PRDM16: variants seen among roughly 807,000 people sequenced by gnomAD.
PRDM16 encodes histone-lysine N-methyltransferase PRDM16.
In PRDM16, 23 loss-of-function variants were observed where a neutral mutation model predicts 110.6. The observed-to-expected ratio is 0.21, with a 90% CI of 0.15 to 0.29. The LOEUF is 0.29. Ranked by LOEUF, PRDM16 falls within the 10% of genes least tolerant of loss-of-function variation. The pLI is 1.00. For synonymous variants in PRDM16, 799 were observed against 781.8 expected (o/e 1.02, Z -0.37); for missense variants, 1,615 against 1,794.3 (o/e 0.90, Z 1.81).
intron 1 of PRDM16, among the ~76,000 whole-genome samples, chr1:3,142,136 C>A (rs1369913369): frequency 6.6e-6 from 1 of 152,248 alleles, no homozygotes; most frequent in African/African-American, 2.4e-5. Flanking sequence ...TCGGCTCCCC[C>A]CGTCCAGGGC....
chr1:3,431,947 TC>T lies in PRDM16; in HGVS notation c.3522-15del. On this transcript the variant is annotated intron_variant, in intron 15 of 16. Coordinates refer to ENST00000270722, the MANE Select transcript of PRDM16 (RefSeq NM_022114.4). ...GGCTGCTGACAGCAGGCCTTCCCTC[TC>T]CCCGGTCATTGGTGCAGGTGTGCTG... is the stretch of plus-strand genomic sequence containing the variant. 6.2e-7 allele frequency: 1 copy of T among 1,606,740 alleles called. No individual in the cohort carries two copies. Among genetic ancestry groups the T allele is most frequent in the Admixed American group, 1.7e-5 (1 of 59,780 alleles).
chr1:3,296,225 A>G (rs1641086559), intron 3 of PRDM16, among the ~76,000 whole-genome samples: 1 of 152,142 alleles, frequency 6.6e-6, no homozygotes, highest in Non-Finnish European at 1.5e-5. Context: ...TGTGAGGCAC[A>G]CGACCAGTGC....
intron 7 of PRDM16, 60 bp downstream of exon 7, chr1:3,404,946 C>A: frequency 6.4e-7 from 1 of 1,562,458 alleles, no homozygotes; most frequent in East Asian, 2.2e-5. Context: ...AGACGGGCGC[C>A]CGCCCCCGTG....
At chr1:3,318,259 G>A (rs1018051079) in intron 3 of PRDM16, among the ~76,000 whole-genome samples, 3 of 152,196 alleles carry the variant, frequency 2.0e-5, no homozygotes, top group Admixed American at 1.3e-4. Flanking sequence ...CCTTTCTGCT[G>A]TGTCCCATCG....
In PRDM16 at chr1:3,385,190, T is replaced by A; in HGVS notation, c.477T>A (p.Asp159Glu). 6.2e-7 allele frequency: 1 copy of A among 1,613,720 alleles called. No homozygotes were observed. Among genetic ancestry groups the A allele is most frequent in the Non-Finnish European group, 8.5e-7 (1 of 1,180,014 alleles). ...EDLGSEKFCV[D>E]ANQAGAGSWL... is the part of the protein sequence containing the mutation. Reference sequence around the variant, plus strand: ...TGGGCAGTGAGAAGTTCTGCGTGGATGCAAATCAGGCGGGGGCTGGCAGCT... The same window carrying A: ...TGGGCAGTGAGAAGTTCTGCGTGGAAGCAAATCAGGCGGGGGCTGGCAGCT... The change falls in exon 4 of 17, where the codon GAT (aspartate) becomes GAA (glutamate). Residue 159 changes from aspartate to glutamate, a missense_variant. Around this residue, in one of 5 missense-constraint regions of PRDM16, gnomAD observed 416 missense variants for 467.1 expected, o/e 0.89. Coordinates refer to ENST00000270722, the MANE Select transcript of PRDM16 (RefSeq NM_022114.4).
At position 3,069,437 on chromosome 1, in the gene PRDM16, G is replaced by A. The variant is rs1262618773; in HGVS notation, c.37+141G>A. The A allele has an allele frequency of 2.0e-5, 3 of 147,072 alleles. No homozygotes were observed. Among genetic ancestry groups the A allele is most frequent in the Non-Finnish European group, 4.4e-5 (3 of 68,216 alleles). The allele number at this position is 147,072 out of a possible 1,614,324, so 9.1% of individuals were successfully genotyped here. On this transcript the variant is annotated intron_variant, in intron 1 of 16. Transcript: ENST00000270722. The surrounding 1 kb of genome is among the most constrained non-coding windows in gnomAD (Gnocchi z 6.1). ...CCGGCTCGGCCGCGCGGCCCGGGGG[G>A]CTGCTCCGCCTCCCGCGCTCCGGGG...
At chr1:3,371,875 G>A (rs111802717) in intron 3 of PRDM16, among the ~76,000 whole-genome samples, 2 of 152,220 alleles carry the variant, frequency 1.3e-5, no homozygotes, top group African/African-American at 4.8e-5. Flanking sequence ...GACAAATGTG[G>A]ATATGAGGGT....
intron 3 of PRDM16, among the ~76,000 whole-genome samples, chr1:3,369,193 G>A (rs999673304): frequency 5.3e-5 from 8 of 152,056 alleles, no homozygotes; most frequent in African/African-American, 1.7e-4. Flanking sequence ...GAGCGAGCGC[G>A]CTATTGAACT....
At chr1:3,380,494 C>A (rs1268616548) in intron 3 of PRDM16, among the ~76,000 whole-genome samples, 1 of 152,128 alleles carries the variant, frequency 6.6e-6, no homozygotes, top group East Asian at 1.9e-4. Context: ...GGGACCCCAC[C>A]CGCAGGGCAG....
chr1:3,163,522 G>A (rs77686822), intron 1 of PRDM16, among the ~76,000 whole-genome samples: 8,607 of 152,266 alleles, frequency 0.057, 348 homozygotes, highest in East Asian at 0.19. Flanking sequence ...CCCACGCGGC[G>A]TTAGCTTCCT....
chr1:3,364,341 A>G (rs1275589862), intron 3 of PRDM16, among the ~76,000 whole-genome samples: 2 of 152,140 alleles, frequency 1.3e-5, no homozygotes, highest in South Asian at 4.1e-4. Flanking sequence ...GTGGCCCCCA[A>G]GTCGTCCTGC....
At chr1:3,214,506 G>A (rs1638975266) in intron 2 of PRDM16, among the ~76,000 whole-genome samples, 1 of 152,154 alleles carries the variant, frequency 6.6e-6, no homozygotes, top group Non-Finnish European at 1.5e-5. Context: ...AGACCAGCCT[G>A]GCCAATGTGG....
At chr1:3,408,769 C>T (rs1340843956) in intron 8 of PRDM16, among the ~76,000 whole-genome samples, 7 of 110,234 alleles carry the variant, frequency 6.4e-5, no homozygotes, top group Non-Finnish European at 7.2e-5. Flanking sequence ...CGTGAGAGTG[C>T]ATGAGTGTGG....
intron 2 of PRDM16, among the ~76,000 whole-genome samples, chr1:3,232,378 G>A (rs1430727733): frequency 1.3e-5 from 2 of 152,160 alleles, no homozygotes; most frequent in Non-Finnish European, 2.9e-5. Flanking sequence ...GGTGTAAATG[G>A]GGATTATTGT....
At chr1:3,366,144 G>A (rs754164244) in intron 3 of PRDM16, among the ~76,000 whole-genome samples, 5 of 152,344 alleles carry the variant, frequency 3.3e-5, no homozygotes, top group Middle Eastern at 3.4e-3. Flanking sequence ...GGGCTCTAGC[G>A]CCCCGATGTG....
intron 10 of PRDM16, 41 bp downstream of exon 10, chr1:3,414,688 C>G: frequency 6.7e-7 from 1 of 1,490,450 alleles, no homozygotes; most frequent in Non-Finnish European, 9.3e-7. Flanking sequence ...GTAACCCACA[C>G]GCCAGTGGCC....
intron 2 of PRDM16, among the ~76,000 whole-genome samples, chr1:3,199,081 G>A (rs538974217): frequency 3.9e-5 from 6 of 152,220 alleles, no homozygotes; most frequent in East Asian, 1.9e-4. Context: ...ATCAGCCTTC[G>A]TTTCAGCCCT....
chr1:3,282,214 G>T (rs1417046939), intron 3 of PRDM16, among the ~76,000 whole-genome samples: 1 of 152,208 alleles, frequency 6.6e-6, no homozygotes, highest in Non-Finnish European at 1.5e-5. Flanking sequence ...GCTCAGGGAG[G>T]CCATGCTTCA....
chr1:3,133,510 A>T (rs991870505), intron 1 of PRDM16: 4 of 152,256 alleles, frequency 2.6e-5, no homozygotes, highest in Non-Finnish European at 4.4e-5. Flanking sequence ...GTCTGTCCAG[A>T]ACTGCTCCCC....
Sources: gnomAD v4.1 joint callset for allele counts (sites outside exome capture counted in the v4.1 genomes callset) on GRCh38, gnomAD v4.1.1 for gene constraint, gnomAD v4.1.1 regional missense constraint, Gnocchi (gnomAD v3.1) non-coding constraint, MANE v1.5 for transcripts, NCBI Gene and HGNC (gene_info 2026-07-23, HGNC 2026-07-21) for gene names.